Variants in STK3 observed in about 807,000 individuals in gnomAD.
STK3 encodes serine/threonine-protein kinase 3.
STK3 carries 41 observed loss-of-function variants against 58.0 expected under a neutral mutation model. That is an observed-to-expected ratio of 0.71 (90% CI 0.55 to 0.92). STK3 has a LOEUF of 0.92. STK3 is among the 40% of genes least tolerant of loss of function. STK3 has a pLI of 0.00. For missense variants in STK3, 479 were observed against 602.7 expected (o/e 0.79, Z 2.15); for synonymous variants, 170 against 191.0 (o/e 0.89, Z 0.91).
chr8:98,738,226 T>C (rs1288013885), intron 4 of STK3, among the ~76,000 whole-genome samples: 5 of 152,026 alleles, frequency 3.3e-5, no homozygotes, highest in African/African-American at 1.2e-4. Flanking sequence ...GCCTCTAATC[T>C]CAACACTTTA....
chr8:98,841,681 C>CAAAA (rs10605812), intron 3 of STK3, among the ~76,000 whole-genome samples: 4 of 86,684 alleles, frequency 4.6e-5, no homozygotes, highest in South Asian at 3.8e-4. Flanking sequence ...GACCTGGTCT[C>CAAAA]AAAAAAAAAA....
intron 8 of STK3, among the ~76,000 whole-genome samples, chr8:98,554,103 C>A (rs940430327): frequency 6.6e-6 from 1 of 152,116 alleles, no homozygotes; most frequent in African/African-American, 2.4e-5. Flanking sequence ...AGGTCTAATT[C>A]TAAAGCCTAA....
chr8:98,379,852 T>G (rs1817714957), intron 1 of STK3, among the ~76,000 whole-genome samples: 1 of 152,230 alleles, frequency 6.6e-6, no homozygotes, highest in Non-Finnish European at 1.5e-5. Flanking sequence ...AACTCCCATG[T>G]TCATTGCAGC....
At chr8:98,520,385 C>T (rs1041749816) in intron 10 of STK3, among the ~76,000 whole-genome samples, 3 of 152,028 alleles carry the variant, frequency 2.0e-5, no homozygotes, top group Non-Finnish European at 4.4e-5. Context: ...AAGACAAATG[C>T]TAACGATTTA....
intron 3 of STK3, among the ~76,000 whole-genome samples, chr8:98,864,413 A>T (rs1837055818): frequency 6.6e-6 from 1 of 152,166 alleles, no homozygotes. Context: ...GAACAGCTGT[A>T]TGCACCAGGA....
chr8:98,756,239 T>C (rs1830281558), intron 3 of STK3, among the ~76,000 whole-genome samples: 1 of 152,072 alleles, frequency 6.6e-6, no homozygotes, highest in Non-Finnish European at 1.5e-5. Flanking sequence ...GGACCTAATT[T>C]AGGACTCTCC....
At chr8:98,563,475 A>G (rs1812225604) in intron 8 of STK3, among the ~76,000 whole-genome samples, 1 of 152,208 alleles carries the variant, frequency 6.6e-6, no homozygotes, top group Admixed American at 6.6e-5. Context: ...TAGTATACAC[A>G]CATATATCTC....
At position 98,800,147 on chromosome 8, in the gene STK3, T is replaced by G. The variant is rs568672615; in HGVS notation, c.27-25328A>C. ...CTACTCGCCTTTGGACCCTATATTT[T>G]TAACCTCCTTGTTTTGTTTCCTCTA... On this transcript the variant is annotated intron_variant, in intron 1 of 10. Transcript: ENST00000419617. The surrounding 1 kb of genome is among the most constrained non-coding windows in gnomAD (Gnocchi z 4.8). 6.6e-6 allele frequency among the ~76,000 whole-genome samples: 1 copy of G among 152,352 alleles called. No individual in the cohort carries two copies. Among genetic ancestry groups the G allele is most frequent in the South Asian group, 2.1e-4 (1 of 4,830 alleles).
At chr8:98,812,586 CAT>C (rs1322841463) in intron 1 of STK3, among the ~76,000 whole-genome samples, 6 of 152,194 alleles carry the variant, frequency 3.9e-5, no homozygotes, top group African/African-American at 2.4e-5. Context: ...GACATGCACA[CAT>C]ATGTTTACTG....
At chr8:98,885,722 G>T (rs781117309) in intron 1 of STK3, among the ~76,000 whole-genome samples, 6 of 152,238 alleles carry the variant, frequency 3.9e-5, no homozygotes, top group Non-Finnish European at 7.3e-5. Flanking sequence ...TTACAGGCGT[G>T]AGCCACCGCA....
chr8:98,875,990 G>T (rs1376998837), intron 3 of STK3, among the ~76,000 whole-genome samples: 1 of 152,176 alleles, frequency 6.6e-6, no homozygotes, highest in Non-Finnish European at 1.5e-5. Context: ...CAAAGGCAAA[G>T]GACCCTATTC....
chr8:98,898,533 A>G (rs1274454485), intron 1 of STK3, among the ~76,000 whole-genome samples: 1 of 152,230 alleles, frequency 6.6e-6, no homozygotes, highest in East Asian at 1.9e-4. Flanking sequence ...ACAGCTCCAT[A>G]AACTCTTTTC....
intron 1 of STK3, among the ~76,000 whole-genome samples, chr8:98,893,486 G>GAAGGAAAGAGAAAGAA (rs776247646): frequency 2.3e-4 from 10 of 43,040 alleles, no homozygotes; most frequent in Admixed American, 5.2e-4. Flanking sequence ...AAGAAAGAAA[G>GAAGGAAAGAGAAAGAA]AGAAAGAAAG....
chr8:98,678,639 T>C (rs1823396794), intron 6 of STK3, among the ~76,000 whole-genome samples: 1 of 152,142 alleles, frequency 6.6e-6, no homozygotes, highest in African/African-American at 2.4e-5. Context: ...GATCAAGATG[T>C]AGTGATAGAG....
intron 3 of STK3, among the ~76,000 whole-genome samples, chr8:98,869,022 AGAAGGAAGGAAGGAAGGAAG>A (rs200905250): frequency 0.048 from 5,418 of 111,760 alleles, 163 homozygotes; most frequent in East Asian, 0.12. Flanking sequence ...GAAAAAGGAA[AGAAGGAAGGAAGGAAGGAAG>A]GAAGGAAGGA....
intron 6 of STK3, among the ~76,000 whole-genome samples, chr8:98,611,155 G>C (rs1361154393): frequency 6.6e-6 from 1 of 152,050 alleles, no homozygotes; most frequent in Non-Finnish European, 1.5e-5. Flanking sequence ...CTAGTCCTAA[G>C]ATAGCAAGAA....
intron 1 of STK3, among the ~76,000 whole-genome samples, chr8:98,784,598 C>A (rs1388959542): frequency 6.6e-6 from 1 of 152,068 alleles, no homozygotes; most frequent in Non-Finnish European, 1.5e-5. Context: ...TAGATCATGG[C>A]ACAGTGGAGG....
intron 6 of STK3, among the ~76,000 whole-genome samples, chr8:98,690,038 C>T (rs1372913608): frequency 6.6e-6 from 1 of 152,122 alleles, no homozygotes; most frequent in African/African-American, 2.4e-5. Context: ...ATCAAAGGAA[C>T]ATACCTTAAC....
intron 6 of STK3, among the ~76,000 whole-genome samples, chr8:98,685,988 A>T (rs928467544): frequency 2.0e-5 from 3 of 152,226 alleles, no homozygotes; most frequent in Non-Finnish European, 4.4e-5. Context: ...GATAATATAT[A>T]CATATAACTG....
Sources: gnomAD v4.1 joint callset for allele counts (sites outside exome capture counted in the v4.1 genomes callset) on GRCh38, gnomAD v4.1.1 for gene constraint, Gnocchi (gnomAD v3.1) non-coding constraint, MANE v1.5 for transcripts, NCBI Gene and HGNC (gene_info 2026-07-23, HGNC 2026-07-21) for gene names.